The following MCTP1 variants were observed in gnomAD, a reference collection of about 807,000 sequenced individuals.
MCTP1 encodes multiple C2 and transmembrane domain containing 1.
In MCTP1, 69 loss-of-function variants were observed where a neutral mutation model predicts 120.6. The ratio of observed to expected loss-of-function variants is 0.57; its 90% CI spans 0.47 to 0.70. The LOEUF is 0.70. MCTP1 is among the 30% of genes least tolerant of loss of function. The pLI is 0.00. For missense variants in MCTP1, 1,203 were observed against 1,248.8 expected (o/e 0.96, Z 0.55); for synonymous variants, 529 against 493.1 (o/e 1.07, Z -0.96).
At chr5:95,045,946 C>G (rs1843061391) in intron 1 of MCTP1, among the ~76,000 whole-genome samples, 1 of 152,008 alleles carries the variant, frequency 6.6e-6, no homozygotes. Flanking sequence ...CTCAGCTTTC[C>G]CTTCTGTGAA....
intron 1 of MCTP1, among the ~76,000 whole-genome samples, chr5:95,041,307 C>T (rs202086746): frequency 7.4e-4 from 93 of 125,198 alleles, no homozygotes; most frequent in East Asian, 3.0e-3. Context: ...AAAGCCCATG[C>T]TCTGAAAAAA....
chr5:94,913,840 C>T (rs1809411076), intron 8 of MCTP1, among the ~76,000 whole-genome samples: 1 of 151,890 alleles, frequency 6.6e-6, no homozygotes, highest in Non-Finnish European at 1.5e-5. Flanking sequence ...AACAGGCATG[C>T]ACCACTGCAC....
rs1580152058 is a variant in MCTP1, at chr5:94,706,482, A to G, written c.*1014T>C. 4.0e-5 allele frequency: 6 copies of G among 151,704 alleles called. No individual in the cohort carries two copies. The South Asian group carries it at 1.2e-3, about 32-fold the overall frequency. The allele number at this position is 151,704 out of a possible 1,614,324, so 9.4% of individuals were successfully genotyped here. A position where few individuals can be genotyped will look rare whatever the true frequency, so the allele number is the denominator to read the frequency against. The stretch of plus-strand genomic sequence containing the variant: ...AATGAATGTAGTGAAACACTGGCAT[A>G]TCACTTAGCACACTGAATTCTCTAC... On this transcript the variant is annotated 3_prime_UTR_variant, in exon 23 of 23. Transcript: ENST00000515393.
chr5:94,885,816 C>T (rs189218940), intron 12 of MCTP1, among the ~76,000 whole-genome samples: 3 of 152,058 alleles, frequency 2.0e-5, no homozygotes, highest in South Asian at 2.1e-4. Flanking sequence ...TTTTCCCTTA[C>T]GAAGAATTTA....
intron 6 of MCTP1, 64 bp from the exon 7 acceptor site, chr5:94,924,085 TACAA>T: frequency 2.1e-6 from 2 of 946,716 alleles, no homozygotes; most frequent in Non-Finnish European, 3.1e-6. Context: ...ATATTGTAAA[TACAA>T]ACAAATAAAA....
chr5:95,270,539 G>C lies in MCTP1; in HGVS notation c.720+13317C>G, dbSNP rs377339657. ...CCACATGTTGGTTGGCCTCAGGCCA[G>C]AGGCGAGATGGCACAACTGAGCAGA... On this transcript the variant is annotated intron_variant, in intron 1 of 22. Coordinates refer to ENST00000515393, the MANE Select transcript of MCTP1 (RefSeq NM_024717.7). 9.5e-4 allele frequency among the ~76,000 whole-genome samples: 144 copies of C among 151,582 alleles called. 3 individuals carry two copies. The South Asian group carries it at 0.028, about 30-fold the overall frequency.
intron 1 of MCTP1, among the ~76,000 whole-genome samples, chr5:95,267,156 T>C (rs1582698342): frequency 1.3e-5 from 2 of 152,192 alleles, no homozygotes; most frequent in African/African-American, 4.8e-5. Flanking sequence ...TTTAGATCTG[T>C]TCAACGGAAA....
At chr5:95,158,689 G>T (rs1360091294) in intron 1 of MCTP1, among the ~76,000 whole-genome samples, 2 of 151,966 alleles carry the variant, frequency 1.3e-5, no homozygotes, top group African/African-American at 2.4e-5. Flanking sequence ...ACTTTGGGAG[G>T]CCAAGGCAGG....
At chr5:95,228,444 A>C (rs1292727845) in intron 1 of MCTP1, among the ~76,000 whole-genome samples, 1 of 144,428 alleles carries the variant, frequency 6.9e-6, no homozygotes, top group Non-Finnish European at 1.5e-5. Context: ...TGGGCCAAAA[A>C]CTTAGAAAAA....
intron 1 of MCTP1, among the ~76,000 whole-genome samples, chr5:95,054,330 G>C (rs554427612): frequency 3.3e-5 from 5 of 152,260 alleles, no homozygotes; most frequent in Non-Finnish European, 7.4e-5. Context: ...CAGAGAACAG[G>C]AATCAGGAAG....
At chr5:95,205,165 TGA>T (rs1423554246) in intron 1 of MCTP1, among the ~76,000 whole-genome samples, 3 of 152,158 alleles carry the variant, frequency 2.0e-5, no homozygotes, top group Non-Finnish European at 4.4e-5. Flanking sequence ...GGAATAGAAC[TGA>T]GAGTCCATGA....
At chr5:95,243,362 TA>T (rs1756382921) in intron 1 of MCTP1, among the ~76,000 whole-genome samples, 1 of 151,970 alleles carries the variant, frequency 6.6e-6, no homozygotes, top group Admixed American at 6.6e-5. Context: ...GGCTGAGACT[TA>T]AAGAGGAGAA....
intron 11 of MCTP1, among the ~76,000 whole-genome samples, chr5:94,891,880 C>G (rs538824372): frequency 1.3e-5 from 2 of 152,120 alleles, no homozygotes; most frequent in East Asian, 3.9e-4. Context: ...GCCTAAAAAC[C>G]CGGATGGCTT....
chr5:95,023,652 G>A (rs190384521), intron 1 of MCTP1, among the ~76,000 whole-genome samples: 1 of 152,344 alleles, frequency 6.6e-6, no homozygotes, highest in East Asian at 1.9e-4. Flanking sequence ...GCCCACTATA[G>A]TGGTTCCAAG....
chr5:95,121,005 G>A (rs780408092), intron 1 of MCTP1, among the ~76,000 whole-genome samples: 8 of 152,058 alleles, frequency 5.3e-5, no homozygotes, highest in East Asian at 3.9e-4. Context: ...ATGGCCAGGC[G>A]CGGTGGCTCA....
chr5:95,212,383 C>A (rs1273132874), intron 1 of MCTP1, among the ~76,000 whole-genome samples: 1 of 151,960 alleles, frequency 6.6e-6, no homozygotes, highest in South Asian at 2.1e-4. Flanking sequence ...AGCTTACCAA[C>A]CAAAAAGAGT....
chr5:94,750,509 C>T (rs957128193), intron 19 of MCTP1, among the ~76,000 whole-genome samples: 1 of 152,158 alleles, frequency 6.6e-6, no homozygotes, highest in African/African-American at 2.4e-5. Flanking sequence ...CTTGCTCTGA[C>T]CAATGAAAGG....
chr5:95,284,970 C>CCGGGGCGT lies in MCTP1; in HGVS notation c.-403_-396dup, dbSNP rs1349993798. 1.3e-5 allele frequency among the ~76,000 whole-genome samples: 2 copies of CCGGGGCGT among 152,142 alleles called. No homozygotes were observed. The highest frequency in any genetic ancestry group is 4.8e-5 in the African/African-American group (2 of 41,460). Reference sequence around the variant, plus strand: ...GACCGAGCTCGGGAAGCTGCACGCACCGGGGCGTGCGCGTCCAGCTGCGCC... The same window carrying CCGGGGCGT: ...GACCGAGCTCGGGAAGCTGCACGCACCGGGGCGTCGGGGCGTGCGCGTCCAGCTGCGCC... On this transcript the variant is annotated 5_prime_UTR_variant, in exon 1 of 23. Transcript: ENST00000515393. The surrounding 1 kb of genome is among the most constrained non-coding windows in gnomAD (Gnocchi z 5.2).
chr5:95,190,126 T>G (rs1232683482), intron 1 of MCTP1, among the ~76,000 whole-genome samples: 2 of 152,070 alleles, frequency 1.3e-5, no homozygotes, highest in Admixed American at 1.3e-4. Flanking sequence ...CAAAATAATG[T>G]GTTTCTAACA....
Sources: gnomAD v4.1 joint callset for allele counts (sites outside exome capture counted in the v4.1 genomes callset) on GRCh38, gnomAD v4.1.1 for gene constraint, Gnocchi (gnomAD v3.1) non-coding constraint, MANE v1.5 for transcripts, NCBI Gene and HGNC (gene_info 2026-07-23, HGNC 2026-07-21) for gene names.